TMEM150C: variants seen among roughly 807,000 people sequenced by gnomAD.
TMEM150C encodes the protein tentonin 3.
A neutral mutation model predicts 29.9 loss-of-function variants in TMEM150C; 10 were observed. The ratio of observed to expected loss-of-function variants is 0.33; its 90% CI spans 0.21 to 0.57. The LOEUF (loss-of-function observed/expected upper bound fraction) is 0.57, where lower values mean the gene tolerates loss of function less well. TMEM150C is among the 20% of genes least tolerant of loss of function. The probability of loss-of-function intolerance (pLI) is 0.88; values close to 1 mark genes in which losing one functional copy is unlikely to be tolerated. For synonymous variants in TMEM150C, 101 were observed against 112.5 expected, an observed-to-expected ratio of 0.90 and a Z score of 0.64; for missense variants, 251 against 303.6, an observed-to-expected ratio of 0.83 and a Z score of 1.29.
intron 1 of TMEM150C, among the ~76,000 whole-genome samples, chr4:82,547,363 C>A (rs373179433): frequency 6.6e-6 from 1 of 151,230 alleles, no homozygotes; most frequent in Non-Finnish European, 1.5e-5. Context: ...ACAAGGTGGG[C>A]GGATCATTTG....
intron 5 of TMEM150C, 137 bp downstream of exon 5, chr4:82,502,590 C>A (rs1165844893): frequency 8.8e-6 from 7 of 795,316 alleles, no homozygotes; most frequent in Non-Finnish European, 1.4e-5. Context: ...AGACAAAGAG[C>A]TGGCTTCAGC....
intron 1 of TMEM150C, among the ~76,000 whole-genome samples, chr4:82,510,846 G>A (rs1258669779): frequency 6.6e-6 from 1 of 152,114 alleles, no homozygotes; most frequent in Non-Finnish European, 1.5e-5. Context: ...TGAACCAAGA[G>A]CATCCTTGGT....
chr4:82,495,827 T>G, intron 6 of TMEM150C: 1 of 504,850 alleles, frequency 2.0e-6, no homozygotes, highest in Non-Finnish European at 3.6e-6. Flanking sequence ...GTACGAAGTT[T>G]GCGTTCATCT....
intron 1 of TMEM150C, among the ~76,000 whole-genome samples, chr4:82,548,119 G>A (rs1320759714): frequency 6.6e-5 from 10 of 152,112 alleles, no homozygotes; most frequent in South Asian, 2.1e-4. Context: ...AACAAATACC[G>A]TACGTTCTCA....
At position 82,484,933 on chromosome 4, in the gene TMEM150C, A is replaced by G. The variant is rs1293695641; in HGVS notation, c.*578T>C. ...GTCTGTGGCATATGTCTCTCCTGGGATCCACACAGCCGACCACTGAACAAC... is the reference window on the plus strand; with the variant it reads ...GTCTGTGGCATATGTCTCTCCTGGGGTCCACACAGCCGACCACTGAACAAC... On this transcript the variant is annotated 3_prime_UTR_variant, in exon 8 of 8. Coordinates refer to ENST00000449862, the MANE Select transcript of TMEM150C (RefSeq NM_001080506.3). 2.0e-5 allele frequency: 3 copies of G among 153,150 alleles called. No homozygotes were observed. The highest frequency in any genetic ancestry group is 7.2e-5 in the African/African-American group (3 of 41,422). 9.5% of individuals were successfully genotyped at this position (153,150 alleles called of 1,614,324 possible).
chr4:82,508,351 C>G (rs1169089625), intron 1 of TMEM150C, among the ~76,000 whole-genome samples: 1 of 152,058 alleles, frequency 6.6e-6, no homozygotes, highest in Non-Finnish European at 1.5e-5. Context: ...CTATGTTGTC[C>G]AGGCTGAACT....
At chr4:82,543,852 A>G (rs1403153162) in intron 1 of TMEM150C, among the ~76,000 whole-genome samples, 1 of 152,184 alleles carries the variant, frequency 6.6e-6, no homozygotes, top group Non-Finnish European at 1.5e-5. Context: ...GACCACTCCA[A>G]TCAGTTCATT....
At chr4:82,541,462 G>A (rs991727936) in intron 1 of TMEM150C, among the ~76,000 whole-genome samples, 1 of 152,084 alleles carries the variant, frequency 6.6e-6, no homozygotes, top group Admixed American at 6.5e-5. Context: ...GAAAAGAAAA[G>A]GAAAAGGATG....
chr4:82,529,184 G>A (rs1724752915), intron 1 of TMEM150C, among the ~76,000 whole-genome samples: 1 of 152,088 alleles, frequency 6.6e-6, no homozygotes, highest in Non-Finnish European at 1.5e-5. Context: ...CAAGGAAGGG[G>A]AATGGGAACG....
chr4:82,488,044 C>T (rs1480647792), intron 7 of TMEM150C, among the ~76,000 whole-genome samples: 1 of 152,204 alleles, frequency 6.6e-6, no homozygotes, highest in East Asian at 1.9e-4. Flanking sequence ...ACCACCCAAG[C>T]AGTGTATAGT....
chr4:82,491,070 T>C, intron 6 of TMEM150C: 1 of 719,280 alleles, frequency 1.4e-6, no homozygotes, highest in East Asian at 2.5e-5. Flanking sequence ...TGCCTTCCTC[T>C]TGATAATGCA....
intron 6 of TMEM150C, chr4:82,491,124 GC>G: frequency 1.4e-6 from 1 of 702,158 alleles, no homozygotes. Flanking sequence ...CAGGAAGACA[GC>G]TAGCTCGATG....
chr4:82,499,213 A>G (rs1723650163), intron 5 of TMEM150C, among the ~76,000 whole-genome samples: 2 of 152,230 alleles, frequency 1.3e-5, no homozygotes. Flanking sequence ...AAAAAGACTT[A>G]CGGGCCATTT....
intron 6 of TMEM150C, among the ~76,000 whole-genome samples, chr4:82,492,316 C>G (rs565809083): frequency 4.0e-5 from 6 of 151,412 alleles, no homozygotes; most frequent in Admixed American, 4.0e-4. Context: ...TTAGTAGAAA[C>G]GGGGTTTCAC....
chr4:82,556,646 G>A (rs1023421185), intron 1 of TMEM150C, among the ~76,000 whole-genome samples: 1 of 152,062 alleles, frequency 6.6e-6, no homozygotes, highest in Non-Finnish European at 1.5e-5. Context: ...GACAGAGTGA[G>A]TGAGACTCTG....
At chr4:82,536,764 T>C (rs891462011) in intron 1 of TMEM150C, among the ~76,000 whole-genome samples, 2 of 152,070 alleles carry the variant, frequency 1.3e-5, no homozygotes, top group Non-Finnish European at 2.9e-5. Context: ...GCTAAAATTC[T>C]GCAAAATTAA....
At chr4:82,488,529 T>C (rs1578117787) in intron 7 of TMEM150C, among the ~76,000 whole-genome samples, 1 of 152,236 alleles carries the variant, frequency 6.6e-6, no homozygotes, top group East Asian at 1.9e-4. Flanking sequence ...TTCTGTACAA[T>C]CTACCCTTTA....
At chr4:82,556,794 T>C (rs1725750839) in intron 1 of TMEM150C, among the ~76,000 whole-genome samples, 1 of 152,204 alleles carries the variant, frequency 6.6e-6, no homozygotes, top group Non-Finnish European at 1.5e-5. Context: ...AAAAAGATTA[T>C]ATGGAGCATT....
chr4:82,515,398 A>G (rs932521626), intron 1 of TMEM150C, among the ~76,000 whole-genome samples: 1 of 152,172 alleles, frequency 6.6e-6, no homozygotes, highest in African/African-American at 2.4e-5. Context: ...CATTTTATAG[A>G]TGACAGTGAG....
Sources: gnomAD v4.1 joint callset for allele counts (sites outside exome capture counted in the v4.1 genomes callset) on GRCh38, gnomAD v4.1.1 for gene constraint, MANE v1.5 for transcripts, NCBI Gene and HGNC (gene_info 2026-07-23, HGNC 2026-07-21) for gene names.